Variants in FCGR3A observed in about 807,000 individuals in gnomAD.
The protein encoded by FCGR3A is Fc gamma receptor IIIa.
In FCGR3A, 13 loss-of-function variants were observed where a neutral mutation model predicts 24.1. The observed-to-expected ratio is 0.54, with a 90% CI of 0.35 to 0.86. The LOEUF (loss-of-function observed/expected upper bound fraction) is 0.86, where lower values mean the gene tolerates loss of function less well. Among genes scored for constraint, FCGR3A ranks in the 40% least tolerant of loss-of-function variants. The probability of loss-of-function intolerance (pLI) is 0.01; values close to 1 mark genes in which losing one functional copy is unlikely to be tolerated. For synonymous variants in FCGR3A, 93 were observed against 112.2 expected (o/e 0.83, Z 1.08); for missense variants, 235 against 298.0 (o/e 0.79, Z 1.56).
chr1:161,544,788 G>A lies in FCGR3A; in HGVS notation c.490C>T (p.Leu164Phe). 1 of 1,613,720 alleles carries A rather than the reference G, an allele frequency of 6.2e-7. No homozygotes were observed. Residue 164 changes from leucine to phenylalanine, a missense_variant, in exon 4 of 5, where the codon CTC (leucine) becomes TTC (phenylalanine). Transcript: ENST00000443193. ...CAGAAGTAGGAGCCGCTGTCTTTGA[G>A]TGTGGCTTTTGGAATGTAGAAGTCA... is the stretch of plus-strand genomic sequence containing the variant. ...NSDFYIPKAT[L>F]KDSGSYFCRG...
At position 161,548,983 on chromosome 1, in the gene FCGR3A, T is replaced by C. The variant is rs1294464040; in HGVS notation, c.61+28A>G. On this transcript the variant is annotated intron_variant, in intron 2 of 4. Transcript: ENST00000443193. ...TTGTCCCCATATGTGCCCCACTGGG[T>C]CAATCCAAGACCATGAAGCTGACTC... The C allele has an allele frequency of 8.7e-6, 14 of 1,600,688 alleles. No individual in the cohort carries two copies. The Admixed American group carries it at 1.7e-4, about 19-fold the overall frequency.
chr1:161,546,296 G>A, intron 3 of FCGR3A, among the ~76,000 whole-genome samples: 1 of 152,024 alleles, frequency 6.6e-6, no homozygotes, highest in Non-Finnish European at 1.5e-5. Context: ...TAAAGTCATG[G>A]TTAGTATATA....
In FCGR3A at chr1:161,543,076, C is replaced by A. The variant is rs573034150; in HGVS notation, c.701G>T (p.Arg234Leu). The A allele has an allele frequency of 1.4e-5, 22 of 1,613,144 alleles. 1 individual carries two copies. The highest frequency in any genetic ancestry group is 5.4e-5 in the African/African-American group (4 of 74,710). The change falls in exon 5 of 5, where the codon CGA becomes CTA. Residue 234 changes from arginine to leucine, a missense_variant. Arg to Leu is a moderately radical substitution (Grantham distance 102). Transcript: ENST00000443193. ...GTCCTTCCAGTCTCTTGTTGAGCTT[C>A]GAATGTTTGTCTTCACAGAGAAATA... ...GLYFSVKTNI[R>L]SSTRDWKDHK...
chr1:161,549,628 T>C (rs926815556), intron 1 of FCGR3A, 69 bp downstream of exon 1: 422 of 1,596,334 alleles, frequency 2.6e-4, no homozygotes, highest in South Asian at 3.4e-4. Context: ...ATTCGTAGCC[T>C]GAAAAGGGGT....
chr1:161,543,009 G>A lies in FCGR3A; in HGVS notation c.*3C>T, dbSNP rs772894301. On this transcript the variant is annotated 3_prime_UTR_variant, in exon 5 of 5. Coordinates refer to ENST00000443193, the MANE Select transcript of FCGR3A (RefSeq NM_000569.8). ...TGCTCTTATTACCCCCATGGGATGGGGGTCATTTGTCTTGAGGGTCCTTTC... is the reference window on the plus strand; with the variant it reads ...TGCTCTTATTACCCCCATGGGATGGAGGTCATTTGTCTTGAGGGTCCTTTC... The A allele has an allele frequency of 1.9e-5, 30 of 1,606,498 alleles. No homozygotes were observed. In the East Asian group the frequency reaches 2.7e-4, roughly 14 times the overall value.
At chr1:161,547,462 A>G (rs563459070) in intron 3 of FCGR3A, among the ~76,000 whole-genome samples, 13 of 152,300 alleles carry the variant, frequency 8.5e-5, no homozygotes, top group African/African-American at 2.9e-4. Context: ...GTAAGATTGT[A>G]GGGACACCAG....
At chr1:161,549,097 T>C (rs1394852499) in intron 1 of FCGR3A, 66 bp from the exon 2 acceptor site, 1 of 1,444,216 alleles carries the variant, frequency 6.9e-7, no homozygotes, top group African/African-American at 1.4e-5. Flanking sequence ...GAACATAGAG[T>C]GAGTTTAAAA....
rs1042222 is a variant in FCGR3A, at chr1:161,542,323, T to G, written c.*689A>C. 16 of 151,110 alleles carry G rather than the reference T, an allele frequency of 1.1e-4. No individual in the cohort carries two copies. The highest frequency in any genetic ancestry group is 1.9e-4 in the Non-Finnish European group (13 of 67,732). The allele number at this position is 151,110 out of a possible 1,614,324, so 9.4% of individuals were successfully genotyped here. On this transcript the variant is annotated 3_prime_UTR_variant, in exon 5 of 5. Coordinates refer to ENST00000443193, the MANE Select transcript of FCGR3A (RefSeq NM_000569.8). Reference sequence around the variant, plus strand: ...CTCAGTCCCCTTCCTAGGACCATTTTCTACTCCTAGCATTAAGAGGACTCA... The same window carrying G: ...CTCAGTCCCCTTCCTAGGACCATTTGCTACTCCTAGCATTAAGAGGACTCA...
intron 4 of FCGR3A, 141 bp from the exon 5 acceptor site, chr1:161,543,340 A>G: frequency 1.0e-6 from 1 of 972,804 alleles, no homozygotes; most frequent in Non-Finnish European, 1.5e-6. Context: ...TCTGGGGGAA[A>G]GTATTGCTTC....
intron 2 of FCGR3A, 34 bp from the exon 3 acceptor site, chr1:161,548,712 G>T: frequency 1.2e-6 from 2 of 1,613,618 alleles, no homozygotes; most frequent in Non-Finnish European, 1.7e-6. Flanking sequence ...GTGAGGACAG[G>T]GAGAGGAGCA....
chr1:161,542,848 C>A lies in FCGR3A; in HGVS notation c.*164G>T. The A allele has an allele frequency of 1.8e-6, 1 of 557,788 alleles. No homozygotes were observed. Among genetic ancestry groups the A allele is most frequent in the Non-Finnish European group, 3.2e-6 (1 of 315,614 alleles). The allele number at this position is 557,788 out of a possible 1,614,324, so 34.6% of individuals were successfully genotyped here. ...CTTGAAGATCATGGGCTTTTCCCTTCCACTGGAGACCAAGGAAAAGTCGAG... is the reference window on the plus strand; with the variant it reads ...CTTGAAGATCATGGGCTTTTCCCTTACACTGGAGACCAAGGAAAAGTCGAG... On this transcript the variant is annotated 3_prime_UTR_variant, in exon 5 of 5. Coordinates refer to ENST00000443193, the MANE Select transcript of FCGR3A (RefSeq NM_000569.8).
chr1:161,545,019 A>G, intron 3 of FCGR3A, 61 bp from the exon 4 acceptor site: 1 of 1,590,130 alleles, frequency 6.3e-7, no homozygotes, highest in East Asian at 2.2e-5. Flanking sequence ...AGCTTTGTGA[A>G]GGGGCCACGT....
rs1677155484 is a variant in FCGR3A, at chr1:161,542,377, CT to C, written c.*634del. The C allele has an allele frequency of 6.6e-6, 1 of 150,732 alleles. No individual in the cohort carries two copies. The highest frequency in any genetic ancestry group is 1.5e-5 in the Non-Finnish European group (1 of 67,842). The allele number at this position is 150,732 out of a possible 1,614,324, so 9.3% of individuals were successfully genotyped here. On this transcript the variant is annotated 3_prime_UTR_variant, in exon 5 of 5. Coordinates refer to ENST00000443193, the MANE Select transcript of FCGR3A (RefSeq NM_000569.8). Reference sequence around the variant, plus strand: ...TTATATACTTGGAGATGGTCCAGTTCTGATAGAGTCCCCTGGAAGACTCAAT... The same window carrying C: ...TTATATACTTGGAGATGGTCCAGTTCGATAGAGTCCCCTGGAAGACTCAAT...
chr1:161,550,684 C>T (rs1677729203), upstream of FCGR3A: 1 of 152,448 alleles, frequency 6.6e-6, no homozygotes, highest in African/African-American at 2.4e-5. Context: ...TTGTTAACCT[C>T]TTCTCTTCTC....
At chr1:161,546,424 C>T (rs966599084) in intron 3 of FCGR3A, among the ~76,000 whole-genome samples, 3 of 152,006 alleles carry the variant, frequency 2.0e-5, no homozygotes, top group Non-Finnish European at 4.4e-5. Flanking sequence ...ATGTATGACA[C>T]ACTGTGGACT....
At position 161,541,919 on chromosome 1, in the gene FCGR3A, T is replaced by C. The variant is rs989992455; in HGVS notation, c.*1093A>G. The C allele has an allele frequency of 6.6e-6, 1 of 152,246 alleles. No homozygotes were observed. The highest frequency in any genetic ancestry group is 1.5e-5 in the Non-Finnish European group (1 of 68,012). 9.4% of individuals were successfully genotyped at this position (152,246 alleles called of 1,614,324 possible). On this transcript the variant is annotated 3_prime_UTR_variant, in exon 5 of 5. Transcript: ENST00000443193. ...TCTTTCATAAGCAACAATTGTCTTCTCCATCCCCACCTCATTGGAACTGAC... is the reference window on the plus strand; with the variant it reads ...TCTTTCATAAGCAACAATTGTCTTCCCCATCCCCACCTCATTGGAACTGAC...
chr1:161,548,100 A>G lies in FCGR3A; in HGVS notation c.319+321T>C, dbSNP rs551781936. ...AATAAAATTAAAAAAAATGAAAATA[A>G]ATATATAAATAACTATTATTGAGCA... On this transcript the variant is annotated intron_variant, in intron 3 of 4. Transcript: ENST00000443193. Among the ~76,000 whole-genome samples the G allele has an allele frequency of 1.6e-4, 25 of 152,372 alleles. No individual in the cohort carries two copies. In the South Asian group the frequency reaches 5.2e-3, roughly 32 times the overall value.
chr1:161,544,045 T>C (rs1677265453), intron 4 of FCGR3A, among the ~76,000 whole-genome samples: 1 of 152,308 alleles, frequency 6.6e-6, no homozygotes, highest in Non-Finnish European at 1.5e-5. Flanking sequence ...CTTATTTATT[T>C]ATTTTTGCAC....
chr1:161,546,006 T>C (rs1220076789), intron 3 of FCGR3A, among the ~76,000 whole-genome samples: 4 of 152,098 alleles, frequency 2.6e-5, no homozygotes, highest in Non-Finnish European at 4.4e-5. Context: ...ATTTTTGAAA[T>C]TGACCCCAAA....
Sources: allele counts gnomAD v4.1 joint callset (sites outside exome capture counted in the v4.1 genomes callset), GRCh38; gene constraint gnomAD v4.1.1; transcripts MANE v1.5; gene names NCBI Gene and HGNC (gene_info 2026-07-23, HGNC 2026-07-21).